Variants in SAE1 observed in about 807,000 individuals in gnomAD.
The protein encoded by SAE1 is SUMO-activating enzyme subunit 1.
SAE1 carries 11 observed loss-of-function variants against 40.6 expected under a neutral mutation model. The ratio of observed to expected loss-of-function variants is 0.27; its 90% CI spans 0.17 to 0.45. The LOEUF (loss-of-function observed/expected upper bound fraction) is 0.45, where lower values mean the gene tolerates loss of function less well. Ranked by LOEUF, SAE1 falls within the 20% of genes least tolerant of loss-of-function variation. The probability of loss-of-function intolerance (pLI) is 1.00; values close to 1 mark genes in which losing one functional copy is unlikely to be tolerated. For synonymous variants in SAE1, 155 were observed against 154.3 expected (o/e 1.00, Z -0.03); for missense variants, 373 against 427.3 (o/e 0.87, Z 1.12).
intron 1 of SAE1, among the ~76,000 whole-genome samples, chr19:47,139,680 C>G (rs1476035391): frequency 6.7e-6 from 1 of 148,698 alleles, no homozygotes; most frequent in African/African-American, 2.5e-5. Flanking sequence ...GCTACACCTT[C>G]CGGGTTCACA....
At chr19:47,185,082 G>C (rs937165510) in intron 6 of SAE1, among the ~76,000 whole-genome samples, 69 of 151,932 alleles carry the variant, frequency 4.5e-4, no homozygotes, top group African/African-American at 1.6e-3. Context: ...GGCCTTCCAA[G>C]TACTGGGATT....
chr19:47,182,006 G>C (rs1318593154), intron 6 of SAE1, among the ~76,000 whole-genome samples: 1 of 151,694 alleles, frequency 6.6e-6, no homozygotes, highest in Admixed American at 6.6e-5. Flanking sequence ...GGCTGGTCTT[G>C]AACTCCTGGG....
chr19:47,150,026 C>G (rs1338550973), intron 2 of SAE1, among the ~76,000 whole-genome samples, 176 bp from the exon 3 acceptor site: 1 of 144,260 alleles, frequency 6.9e-6, no homozygotes, highest in Admixed American at 7.2e-5. Flanking sequence ...TGCAATGAGC[C>G]GAGATCATGC....
Position 47,150,945 on chromosome 19 carries a change from T to G in SAE1, c.384+570T>G, listed in dbSNP as rs74893524. 3.5e-3 allele frequency among the ~76,000 whole-genome samples: 536 copies of G among 152,320 alleles called. 4 individuals carry two copies. Among genetic ancestry groups the G allele is most frequent in the African/African-American group, 0.012 (510 of 41,570 alleles). The stretch of plus-strand genomic sequence containing the variant: ...GAGGCATATCCAGCCTCATTTAGTT[T>G]CACTGCCAAATCTATGCGGAGGTGA... On this transcript the variant is annotated intron_variant, in intron 3 of 8. Coordinates refer to ENST00000270225, the MANE Select transcript of SAE1 (RefSeq NM_005500.3).
intron 7 of SAE1, among the ~76,000 whole-genome samples, chr19:47,202,418 G>A (rs2058660595): frequency 6.6e-6 from 1 of 151,822 alleles, no homozygotes. Context: ...CTCCTGAGTA[G>A]CTGGGACTAC....
At chr19:47,139,586 C>CTTT (rs71179299) in intron 1 of SAE1, among the ~76,000 whole-genome samples, 3,566 of 122,778 alleles carry the variant, frequency 0.029, 130 homozygotes, top group Non-Finnish European at 0.044. Context: ...GAATGTGTAT[C>CTTT]TTTTTTTTTT....
intron 5 of SAE1, among the ~76,000 whole-genome samples, chr19:47,155,867 A>G (rs1439430535): frequency 1.3e-5 from 2 of 148,876 alleles, no homozygotes; most frequent in Non-Finnish European, 3.0e-5. Flanking sequence ...CAGCCTCCCA[A>G]GTAGCTGGGA....
At chr19:47,168,326 C>T (rs1040904222) in intron 5 of SAE1, among the ~76,000 whole-genome samples, 2 of 152,102 alleles carry the variant, frequency 1.3e-5, no homozygotes, top group African/African-American at 4.8e-5. Flanking sequence ...TTTTCTCTCT[C>T]TCTCTGTTTT....
At position 47,153,007 on chromosome 19, in the gene SAE1, C is replaced by T. The variant is rs748192937; in HGVS notation, c.494C>T (p.Thr165Ile). Residue 165 changes from threonine to isoleucine, a missense_variant, in exon 4 of 9, where the codon ACA (threonine) becomes ATA (isoleucine). Coordinates refer to ENST00000270225, the MANE Select transcript of SAE1 (RefSeq NM_005500.3). ...GATGTTTTTGGCTACCATGGATACA[C>T]ATTTGCCAATCTAGGAGAGCATGAG... The part of the protein sequence containing the change: ...TGDVFGYHGY[T>I]FANLGEHEFV... The T allele has an allele frequency of 3.1e-6, 5 of 1,613,448 alleles. No homozygotes were observed. Among genetic ancestry groups the T allele is most frequent in the African/African-American group, 1.3e-5 (1 of 74,994 alleles).
At chr19:47,159,883 G>A (rs932076676) in intron 5 of SAE1, among the ~76,000 whole-genome samples, 3 of 152,096 alleles carry the variant, frequency 2.0e-5, no homozygotes, top group South Asian at 2.1e-4. Flanking sequence ...TAGTAGAGAC[G>A]GTATTTCTCC....
At chr19:47,169,576 G>T (rs1173551119) in intron 5 of SAE1, among the ~76,000 whole-genome samples, 1 of 152,164 alleles carries the variant, frequency 6.6e-6, no homozygotes, top group Non-Finnish European at 1.5e-5. Flanking sequence ...AGTGGAAGCA[G>T]GTCTTTGGAA....
chr19:47,202,323 C>G (rs1173921224), intron 7 of SAE1, among the ~76,000 whole-genome samples: 1 of 151,640 alleles, frequency 6.6e-6, no homozygotes, highest in African/African-American at 2.4e-5. Context: ...CAGTCTTGCC[C>G]TGTCACCAGG....
chr19:47,201,122 A>G (rs906701363), intron 7 of SAE1, among the ~76,000 whole-genome samples: 1 of 150,846 alleles, frequency 6.6e-6, no homozygotes. Context: ...GCTCACTGCA[A>G]CCTCCGCCTC....
intron 7 of SAE1, among the ~76,000 whole-genome samples, chr19:47,201,360 C>CT (rs57568797): frequency 0.08 from 5,260 of 65,904 alleles, 1,146 homozygotes; most frequent in South Asian, 0.11. Context: ...TATCTGGTTC[C>CT]TTTTTTTTTT....
At chr19:47,193,531 G>C (rs1348937749) in intron 6 of SAE1, among the ~76,000 whole-genome samples, 1 of 149,238 alleles carries the variant, frequency 6.7e-6, no homozygotes, top group African/African-American at 2.5e-5. Flanking sequence ...TTTTTTTAAA[G>C]AAATTACCAG....
intron 7 of SAE1, among the ~76,000 whole-genome samples, chr19:47,199,840 A>C (rs909434263): frequency 6.6e-6 from 1 of 151,824 alleles, no homozygotes; most frequent in Non-Finnish European, 1.5e-5. Context: ...AGTTACCATG[A>C]GATCCAAGCC....
intron 6 of SAE1, among the ~76,000 whole-genome samples, chr19:47,192,731 G>A (rs1027703608): frequency 6.6e-6 from 1 of 151,766 alleles, no homozygotes; most frequent in African/African-American, 2.4e-5. Flanking sequence ...GTAGAGATGG[G>A]GTTTCACCAT....
intron 6 of SAE1, among the ~76,000 whole-genome samples, chr19:47,178,798 G>A (rs1380942480): frequency 6.6e-6 from 1 of 152,170 alleles, no homozygotes; most frequent in Non-Finnish European, 1.5e-5. Flanking sequence ...AATGTGTTAA[G>A]CACTGTATTT....
At chr19:47,196,333 CTTTTTTTTTTTT>C (rs61498882) in intron 6 of SAE1, among the ~76,000 whole-genome samples, 7 of 27,882 alleles carry the variant, frequency 2.5e-4, no homozygotes, top group South Asian at 2.8e-3. Flanking sequence ...CCGCGCCTGG[CTTTTTTTTTTTT>C]TTTTTTTTTT....
Sources: allele counts gnomAD v4.1 joint callset (sites outside exome capture counted in the v4.1 genomes callset), GRCh38; gene constraint gnomAD v4.1.1; transcripts MANE v1.5; gene names NCBI Gene and HGNC (gene_info 2026-07-23, HGNC 2026-07-21).